The following SYT1 variants were observed in gnomAD, a reference collection of about 807,000 sequenced individuals.
SYT1 encodes the protein synaptotagmin-1.
SYT1 carries 8 observed loss-of-function variants against 44.8 expected under a neutral mutation model. The observed-to-expected ratio is 0.18, with a 90% CI of 0.10 to 0.32. The LOEUF is 0.32. SYT1 is among the 10% of genes least tolerant of loss of function. SYT1 has a pLI of 1.00. For synonymous variants in SYT1, 154 were observed against 188.8 expected, an observed-to-expected ratio of 0.82 and a Z score of 1.51; for missense variants, 286 against 509.3, an observed-to-expected ratio of 0.56 and a Z score of 4.22.
At chr12:79,110,054 C>T (rs547236087) in intron 3 of SYT1, among the ~76,000 whole-genome samples, 5 of 152,258 alleles carry the variant, frequency 3.3e-5, no homozygotes, top group African/African-American at 1.2e-4. Context: ...GGTTGAATTA[C>T]GTCTCATTTA....
intron 3 of SYT1, among the ~76,000 whole-genome samples, chr12:79,172,255 A>C (rs968361496): frequency 1.3e-5 from 2 of 151,960 alleles, no homozygotes; most frequent in African/African-American, 4.8e-5. Context: ...CATAAAATGC[A>C]TACATTGAAT....
At chr12:79,179,008 A>C (rs60568181) in intron 3 of SYT1, among the ~76,000 whole-genome samples, 560 of 16,922 alleles carry the variant, frequency 0.033, 29 homozygotes, top group African/African-American at 0.048. Context: ...ATAGATATAG[A>C]TATATAGATA....
At chr12:78,930,943 G>A (rs1193306603) in intron 1 of SYT1, among the ~76,000 whole-genome samples, 2 of 151,506 alleles carry the variant, frequency 1.3e-5, no homozygotes, top group Non-Finnish European at 2.9e-5. Context: ...TGAATAAATG[G>A]TAAATATTGT....
intron 1 of SYT1, among the ~76,000 whole-genome samples, chr12:78,923,201 C>G (rs1409412044): frequency 6.6e-6 from 1 of 151,970 alleles, no homozygotes; most frequent in Non-Finnish European, 1.5e-5. Flanking sequence ...GCCTTTTGAG[C>G]ACTTGGTATG....
intron 1 of SYT1, among the ~76,000 whole-genome samples, chr12:78,882,142 A>G (rs1484277969): frequency 6.6e-6 from 1 of 151,834 alleles, no homozygotes; most frequent in African/African-American, 2.4e-5. Context: ...CACCTGACAC[A>G]TAGTAGATGT....
chr12:79,099,991 C>G (rs532096787), intron 3 of SYT1, among the ~76,000 whole-genome samples: 2 of 152,108 alleles, frequency 1.3e-5, no homozygotes, highest in South Asian at 2.1e-4. Context: ...GAAGATTTGT[C>G]AAATTATTTA....
At chr12:79,013,367 A>C (rs141806825) in intron 2 of SYT1, among the ~76,000 whole-genome samples, 12 of 152,276 alleles carry the variant, frequency 7.9e-5, no homozygotes, top group East Asian at 7.7e-4. Flanking sequence ...GAGTGGGTTC[A>C]TCAAATAATT....
chr12:79,188,456 A>C (rs777076187), intron 3 of SYT1, among the ~76,000 whole-genome samples: 2 of 152,042 alleles, frequency 1.3e-5, no homozygotes, highest in African/African-American at 2.4e-5. Flanking sequence ...TGTAATTTGG[A>C]TTTTGAACCC....
intron 3 of SYT1, among the ~76,000 whole-genome samples, chr12:79,151,338 C>T (rs149617284): frequency 4.6e-5 from 7 of 152,190 alleles, no homozygotes; most frequent in African/African-American, 1.4e-4. Flanking sequence ...AGAATGGGAA[C>T]TTGGAGTCAG....
chr12:79,134,336 G>A (rs1410074075), intron 3 of SYT1, among the ~76,000 whole-genome samples: 1 of 152,186 alleles, frequency 6.6e-6, no homozygotes, highest in African/African-American at 2.4e-5. Context: ...GTTTGATTGT[G>A]AGATGTATAG....
At chr12:79,223,731 G>A (rs1300275633) in intron 4 of SYT1, among the ~76,000 whole-genome samples, 4 of 152,096 alleles carry the variant, frequency 2.6e-5, no homozygotes, top group Non-Finnish European at 5.9e-5. Context: ...TTTGCCATAC[G>A]AGCCTGAAGC....
intron 2 of SYT1, among the ~76,000 whole-genome samples, chr12:79,032,351 G>C (rs1476088421): frequency 2.6e-5 from 4 of 151,108 alleles, no homozygotes; most frequent in African/African-American, 9.7e-5. Flanking sequence ...ATATGATAGA[G>C]ACATGAATTT....
At chr12:79,101,439 C>A (rs1878438680) in intron 3 of SYT1, among the ~76,000 whole-genome samples, 1 of 151,968 alleles carries the variant, frequency 6.6e-6, no homozygotes, top group Non-Finnish European at 1.5e-5. Context: ...TTCATAGAGA[C>A]AGAAAGTAGA....
chr12:79,367,445 G>T (rs1245776), intron 9 of SYT1, among the ~76,000 whole-genome samples: 51,424 of 151,964 alleles, frequency 0.34, 11,326 homozygotes, highest in African/African-American at 0.63. Context: ...TGCAATATGA[G>T]TCAGTATTTG....
chr12:78,910,018 C>A (rs1876227209), intron 1 of SYT1, among the ~76,000 whole-genome samples: 1 of 151,950 alleles, frequency 6.6e-6, no homozygotes, highest in Non-Finnish European at 1.5e-5. Flanking sequence ...TCCAGCTTGG[C>A]ATTATCAGCC....
In SYT1 at chr12:79,356,432, A is replaced by G. The variant is rs181637801; in HGVS notation, c.928+2813A>G. Among the ~76,000 whole-genome samples, 151 of 152,238 alleles carry G rather than the reference A, an allele frequency of 9.9e-4. 1 individual carries two copies. The highest frequency in any genetic ancestry group is 1.7e-3 in the South Asian group (8 of 4,820). ...TAGCACTAAGCATAGCTGCTGAATG[A>G]ATAATGAATTATTTACAAAGGAGCT... On this transcript the variant is annotated intron_variant, in intron 9 of 10. Coordinates refer to ENST00000261205, the MANE Select transcript of SYT1 (RefSeq NM_005639.3).
chr12:79,363,255 C>T (rs1033888472), intron 9 of SYT1, among the ~76,000 whole-genome samples: 29 of 152,086 alleles, frequency 1.9e-4, no homozygotes, highest in Non-Finnish European at 5.9e-5. Context: ...TTGGGAGTTT[C>T]TAATAAAACT....
intron 4 of SYT1, among the ~76,000 whole-genome samples, chr12:79,277,060 C>T (rs1423526652): frequency 6.6e-6 from 1 of 151,810 alleles, no homozygotes; most frequent in Admixed American, 6.6e-5. Flanking sequence ...TGTTTAGAAA[C>T]CTATTTGAGA....
At chr12:79,224,108 A>C (rs943968007) in intron 4 of SYT1, among the ~76,000 whole-genome samples, 1 of 152,114 alleles carries the variant, frequency 6.6e-6, no homozygotes, top group Non-Finnish European at 1.5e-5. Context: ...GTTCAAACTT[A>C]TGATTTTGTG....
Sources: allele counts gnomAD v4.1 joint callset (sites outside exome capture counted in the v4.1 genomes callset), GRCh38; gene constraint gnomAD v4.1.1; transcripts MANE v1.5; gene names NCBI Gene and HGNC (gene_info 2026-07-23, HGNC 2026-07-21).